The following ITPR2 variants were observed in gnomAD, a reference collection of about 807,000 sequenced individuals.
ITPR2 encodes inositol 1,4,5-trisphosphate-gated calcium channel ITPR2.
A neutral mutation model predicts 317.1 loss-of-function variants in ITPR2; 207 were observed. That is an observed-to-expected ratio of 0.65 (90% confidence interval 0.58 to 0.73). The LOEUF (loss-of-function observed/expected upper bound fraction) is 0.73, where lower values mean the gene tolerates loss of function less well. Among genes scored for constraint, ITPR2 ranks in the 30% least tolerant of loss-of-function variants. ITPR2 has a pLI of 0.00. For synonymous variants in ITPR2, 1,156 were observed against 1,149.1 expected, an observed-to-expected ratio of 1.01 and a Z score of -0.12; for missense variants, 2,613 against 3,284.0, an observed-to-expected ratio of 0.80 and a Z score of 4.99.
At chr12:26,649,200 ACC>A (rs372687389) in intron 21 of ITPR2, 24,432 of 136,598 alleles carry the variant, frequency 0.18, 2,515 homozygotes, top group Non-Finnish European at 0.25. Flanking sequence ...CTCCACACAC[ACC>A]CACACACACA....
chr12:26,829,763 C>G (rs536536172), intron 1 of ITPR2, among the ~76,000 whole-genome samples: 3 of 152,224 alleles, frequency 2.0e-5, no homozygotes, highest in East Asian at 3.9e-4. Context: ...AAGCAAGTAC[C>G]AGGAGGGAGG....
chr12:26,534,257 T>C (rs1331596621), intron 37 of ITPR2, among the ~76,000 whole-genome samples: 1 of 152,220 alleles, frequency 6.6e-6, no homozygotes, highest in Non-Finnish European at 1.5e-5. Flanking sequence ...CCAGGAAGTA[T>C]TCCTGGCAAG....
Position 26,486,204 on chromosome 12 carries a change from T to G in ITPR2, c.5711A>C (p.Lys1904Thr). The G allele has an allele frequency of 1.9e-6, 3 of 1,614,116 alleles. No homozygotes were observed. Among genetic ancestry groups the G allele is most frequent in the Non-Finnish European group, 2.5e-6 (3 of 1,180,004 alleles). The change falls in exon 41 of 57, where the codon AAA becomes ACA. Residue 1904 changes from lysine (K) to threonine (T), a missense_variant. Around this residue, in one of 9 missense-constraint regions of ITPR2, gnomAD observed 926 missense variants for 1,072.8 expected, o/e 0.86. Transcript: ENST00000381340. ...TGPEAGNTEE[K>T]SAEEVTMSPA... The stretch of plus-strand genomic sequence containing the variant: ...ACTCATTGTTACTTCCTCTGCGGAT[T>G]TTTCCTCAGTGTTTCCCGCTTCTGG...
chr12:26,561,502 T>C (rs1197101323), intron 35 of ITPR2, among the ~76,000 whole-genome samples: 6 of 152,194 alleles, frequency 3.9e-5, no homozygotes, highest in Admixed American at 1.3e-4. Context: ...ATTGCTATTA[T>C]GATCATTATT....
chr12:26,788,808 G>T (rs1337646746), intron 2 of ITPR2, among the ~76,000 whole-genome samples: 1 of 152,044 alleles, frequency 6.6e-6, no homozygotes. Flanking sequence ...CTCCTCCAGA[G>T]CCCTAATTCT....
chr12:26,801,763 T>TGCCA (rs1950559195), intron 1 of ITPR2, among the ~76,000 whole-genome samples: 1 of 152,196 alleles, frequency 6.6e-6, no homozygotes, highest in Admixed American at 6.5e-5. Context: ...AGACTGCAGA[T>TGCCA]GCCAGTTCTT....
At chr12:26,540,987 A>G (rs564742046) in intron 37 of ITPR2, among the ~76,000 whole-genome samples, 1 of 152,066 alleles carries the variant, frequency 6.6e-6, no homozygotes, top group South Asian at 2.1e-4. Flanking sequence ...CATATTTCCA[A>G]CCACTTAGCG....
intron 10 of ITPR2, among the ~76,000 whole-genome samples, chr12:26,694,269 G>T (rs371918038): frequency 6.6e-6 from 1 of 152,096 alleles, no homozygotes; most frequent in East Asian, 1.9e-4. Context: ...TATGAATATT[G>T]TCCAAGCCAC....
intron 37 of ITPR2, among the ~76,000 whole-genome samples, chr12:26,501,982 T>C (rs975235750): frequency 3.3e-5 from 5 of 152,216 alleles, no homozygotes; most frequent in African/African-American, 1.2e-4. Context: ...TGCTGCTGAA[T>C]GAAAGAGTGA....
intron 9 of ITPR2, among the ~76,000 whole-genome samples, chr12:26,706,500 C>A (rs1307992892): frequency 6.6e-6 from 1 of 152,138 alleles, no homozygotes; most frequent in African/African-American, 2.4e-5. Flanking sequence ...TCCTTGTGTA[C>A]AAGCTGCCCT....
At chr12:26,720,848 G>A (rs557377679) in intron 5 of ITPR2, among the ~76,000 whole-genome samples, 1 of 152,300 alleles carries the variant, frequency 6.6e-6, no homozygotes, top group South Asian at 2.1e-4. Context: ...GCAAGGAAAA[G>A]AATAGATAAA....
chr12:26,784,533 G>T (rs1313563466), intron 2 of ITPR2, among the ~76,000 whole-genome samples: 1 of 151,366 alleles, frequency 6.6e-6, no homozygotes, highest in Admixed American at 6.6e-5. Context: ...TGGTGGAGAC[G>T]GGGTTTTGCT....
intron 9 of ITPR2, among the ~76,000 whole-genome samples, chr12:26,696,998 A>G (rs1487951227): frequency 1.3e-5 from 2 of 152,228 alleles, no homozygotes; most frequent in Middle Eastern, 3.2e-3. Flanking sequence ...CATGGTGTGA[A>G]GAGAGAAAAG....
intron 32 of ITPR2, among the ~76,000 whole-genome samples, chr12:26,593,963 C>A (rs79010609): frequency 0.073 from 11,166 of 152,230 alleles, 676 homozygotes; most frequent in East Asian, 0.31. Flanking sequence ...CTGTGCAACT[C>A]CGCAAATCAG....
At chr12:26,625,659 T>C (rs1946606809) in intron 23 of ITPR2, among the ~76,000 whole-genome samples, 1 of 152,168 alleles carries the variant, frequency 6.6e-6, no homozygotes, top group Non-Finnish European at 1.5e-5. Flanking sequence ...TCTAGAGAAG[T>C]GTGTGTGTAT....
At chr12:26,720,457 C>T (rs1361751236) in intron 5 of ITPR2, among the ~76,000 whole-genome samples, 3 of 152,122 alleles carry the variant, frequency 2.0e-5, no homozygotes, top group African/African-American at 7.2e-5. Context: ...TTGCCTTCCA[C>T]ACAGTCGGTT....
intron 37 of ITPR2, among the ~76,000 whole-genome samples, chr12:26,508,729 A>G (rs895471279): frequency 1.3e-5 from 2 of 152,194 alleles, no homozygotes; most frequent in Non-Finnish European, 2.9e-5. Flanking sequence ...GGGGACACGG[A>G]AAAAGCTGAC....
chr12:26,797,009 T>G lies in ITPR2; in HGVS notation c.93-6782A>C, dbSNP rs535682771. On this transcript the variant is annotated intron_variant, in intron 1 of 56. Transcript: ENST00000381340. ...CTGATATCACGCCACTGCCCTCTAG[T>G]CCGGGCGACAGAATGAGACTCTGTC... Among the ~76,000 whole-genome samples the G allele has an allele frequency of 1.1e-4, 16 of 152,134 alleles. No individual in the cohort carries two copies. In the South Asian group the frequency reaches 3.1e-3, roughly 30 times the overall value.
intron 39 of ITPR2, among the ~76,000 whole-genome samples, chr12:26,491,073 A>G (rs1046597884): frequency 6.6e-6 from 1 of 152,188 alleles, no homozygotes; most frequent in African/African-American, 2.4e-5. Flanking sequence ...AGGGTGGAAG[A>G]ACAAGGGAAA....
Sources: gnomAD v4.1 joint callset for allele counts (sites outside exome capture counted in the v4.1 genomes callset) on GRCh38, gnomAD v4.1.1 for gene constraint, gnomAD v4.1.1 regional missense constraint, MANE v1.5 for transcripts, NCBI Gene and HGNC (gene_info 2026-07-23, HGNC 2026-07-21) for gene names.